KLRD1: variants seen among roughly 807,000 people sequenced by gnomAD.
KLRD1 encodes natural killer cells antigen CD94.
KLRD1 carries 21 observed loss-of-function variants against 22.6 expected under a neutral mutation model. The ratio of observed to expected loss-of-function variants is 0.93; its 90% CI spans 0.66 to 1.34. KLRD1 has a LOEUF of 1.34. Ranked by LOEUF, KLRD1 falls within the 40% of genes most tolerant of loss-of-function variation. The pLI is 0.00. For synonymous variants in KLRD1, 59 were observed against 71.1 expected (o/e 0.83, Z 0.85); for missense variants, 183 against 208.6 (o/e 0.88, Z 0.76).
intron 1 of KLRD1, among the ~76,000 whole-genome samples, chr12:10,258,747 A>G (rs1218385379): frequency 6.6e-6 from 1 of 152,218 alleles, no homozygotes; most frequent in Non-Finnish European, 1.5e-5. Flanking sequence ...TTCACTTGTC[A>G]CTGAAAGAAA....
chr12:10,246,475 A>C (rs1432711830), intron 1 of KLRD1, among the ~76,000 whole-genome samples: 2 of 152,206 alleles, frequency 1.3e-5, no homozygotes, highest in African/African-American at 4.8e-5. Flanking sequence ...TCTTGCTTCA[A>C]CACAGTGACT....
In KLRD1 at chr12:10,322,990, T is replaced by C. The variant is rs1450706168; in HGVS notation, c.*8197T>C. On this transcript the variant is annotated 3_prime_UTR_variant, in exon 6 of 6. Coordinates refer to ENST00000336164, the MANE Select transcript of KLRD1 (RefSeq NM_002262.5). ...TCTGTGAGATACATCCATATATTCGTGCAGCAGTAGCTCCTCACTTTTATT... is the reference window on the plus strand; with the variant it reads ...TCTGTGAGATACATCCATATATTCGCGCAGCAGTAGCTCCTCACTTTTATT... The C allele has an allele frequency of 6.6e-6, 1 of 152,248 alleles. No individual in the cohort carries two copies. Among genetic ancestry groups the C allele is most frequent in the Non-Finnish European group, 1.5e-5 (1 of 68,038 alleles). 9.4% of individuals were successfully genotyped at this position (152,248 alleles called of 1,614,324 possible). A position where few individuals can be genotyped will look rare whatever the true frequency, so the allele number is the denominator to read the frequency against.
chr12:10,248,589 T>TC (rs1949316167), intron 1 of KLRD1, among the ~76,000 whole-genome samples: 3 of 87,120 alleles, frequency 3.4e-5, no homozygotes, highest in Non-Finnish European at 8.0e-5. Context: ...TTCCTTCCCT[T>TC]CTTTTCTTCT....
chr12:10,291,407 A>G (rs1949768995), intron 1 of KLRD1, among the ~76,000 whole-genome samples: 2 of 152,210 alleles, frequency 1.3e-5, no homozygotes, highest in Non-Finnish European at 2.9e-5. Context: ...AACTTTCAAA[A>G]TTGGAATCAA....
At position 10,329,083 on chromosome 12, in the gene KLRD1, A is replaced by G. The variant is rs988339701; in HGVS notation, c.*14290A>G. 1.3e-5 allele frequency: 2 copies of G among 152,188 alleles called. No homozygotes were observed. The highest frequency in any genetic ancestry group is 3.8e-4 in the East Asian group (2 of 5,202). The allele number at this position is 152,188 out of a possible 1,614,324, so 9.4% of individuals were successfully genotyped here. ...TGAGATTTGGGTGGGGACACAGCCA[A>G]ACCATATCAAGGTATAAAGTGCATT... On this transcript the variant is annotated 3_prime_UTR_variant, in exon 6 of 6. Coordinates refer to ENST00000336164, the MANE Select transcript of KLRD1 (RefSeq NM_002262.5).
intron 1 of KLRD1, among the ~76,000 whole-genome samples, chr12:10,241,729 G>A (rs939407238): frequency 6.6e-6 from 1 of 152,042 alleles, no homozygotes; most frequent in Non-Finnish European, 1.5e-5. Context: ...GGCTGATATT[G>A]GATAGTATGT....
At chr12:10,296,232 G>A (rs1949819897) in intron 1 of KLRD1, among the ~76,000 whole-genome samples, 1 of 152,068 alleles carries the variant, frequency 6.6e-6, no homozygotes, top group Non-Finnish European at 1.5e-5. Flanking sequence ...AACATACAAA[G>A]GAGGCCGGGC....
At chr12:10,251,134 T>A (rs1024788075) in intron 1 of KLRD1, among the ~76,000 whole-genome samples, 1 of 152,136 alleles carries the variant, frequency 6.6e-6, no homozygotes, top group Admixed American at 6.5e-5. Flanking sequence ...ATTATACTAT[T>A]TTCTTTTTGA....
rs553414669 is a variant in KLRD1, at chr12:10,309,609, C to G, written c.101-17C>G. 6.3e-7 allele frequency: 1 copy of G among 1,592,482 alleles called. No homozygotes were observed. Among genetic ancestry groups the G allele is most frequent in the Admixed American group, 1.7e-5 (1 of 59,792 alleles). On this transcript the variant is annotated splice_polypyrimidine_tract_variant and intron_variant, in intron 2 of 5. Transcript: ENST00000336164. ...AACCCATACCTAATTAAACAAATTT[C>G]TAATCATTTCTTATAGCTTTTACTA...
chr12:10,308,817 G>A (rs2137691288), intron 1 of KLRD1: 1 of 153,480 alleles, frequency 6.5e-6, no homozygotes, highest in Non-Finnish European at 1.5e-5. Flanking sequence ...CTGAGATGAG[G>A]AGAGGGCATA....
chr12:10,261,617 T>TA (rs1431457612), intron 1 of KLRD1, among the ~76,000 whole-genome samples: 2 of 152,166 alleles, frequency 1.3e-5, no homozygotes, highest in African/African-American at 4.8e-5. Flanking sequence ...GCAATATTCT[T>TA]ACAATTTGAT....
rs1434514683 is a variant in KLRD1 at position 10,323,030 on chromosome 12, A to G, written c.*8237A>G. Reference sequence around the variant, plus strand: ...TCACTTTTATTGTCATGTAGAATTCATAAGAATGTATCACAATTTGCTTAT... The same window carrying G: ...TCACTTTTATTGTCATGTAGAATTCGTAAGAATGTATCACAATTTGCTTAT... On this transcript the variant is annotated 3_prime_UTR_variant, in exon 6 of 6. Transcript: ENST00000336164. The G allele has an allele frequency of 6.6e-6, 1 of 152,256 alleles. No individual in the cohort carries two copies. The highest frequency in any genetic ancestry group is 6.5e-5 in the Admixed American group (1 of 15,280). 9.4% of individuals were successfully genotyped at this position (152,256 alleles called of 1,614,324 possible).
Position 10,311,583 on chromosome 12 carries a change from A to G in KLRD1, c.283A>G (p.Ser95Gly). Residue 95 changes from serine (S) to glycine (G), a missense_variant, in exon 4 of 6, where the codon AGC (serine) becomes GGC (glycine). Ser to Gly is a moderately conservative substitution (Grantham distance 56, BLOSUM62 0). Coordinates refer to ENST00000336164, the MANE Select transcript of KLRD1 (RefSeq NM_002262.5). ...SRHLCASQKS[S>G]LLQLQNTDEL... ...GCATCTCTGTGCTTCTCAGAAATCC[A>G]GCCTGCTTCAGCTTCAAAACACAGA... is the stretch of plus-strand genomic sequence containing the variant. 6.2e-7 allele frequency: 1 copy of G among 1,614,120 alleles called. No individual in the cohort carries two copies. Among genetic ancestry groups the G allele is most frequent in the Non-Finnish European group, 8.5e-7 (1 of 1,179,956 alleles).
In KLRD1 at chr12:10,313,446, G is replaced by A; in HGVS notation, c.352G>A (p.Gly118Arg). The A allele has an allele frequency of 6.2e-7, 1 of 1,607,616 alleles. No homozygotes were observed. The change falls in exon 5 of 6, where the codon GGA becomes AGA. Residue 118 changes from glycine to arginine, a missense_variant. Gly to Arg is a moderately radical substitution (Grantham distance 125). Coordinates refer to ENST00000336164, the MANE Select transcript of KLRD1 (RefSeq NM_002262.5). ...CTCCAGTCAACAATTTTACTGGATTGGACTCTCTTACAGTGAGGAGCACAC... is the reference window on the plus strand; with the variant it reads ...CTCCAGTCAACAATTTTACTGGATTAGACTCTCTTACAGTGAGGAGCACAC... ...MSSSQQFYWI[G>R]LSYSEEHTAW...
intron 1 of KLRD1, among the ~76,000 whole-genome samples, chr12:10,239,083 C>T (rs962356225): frequency 6.6e-6 from 1 of 152,168 alleles, no homozygotes; most frequent in African/African-American, 2.4e-5. Context: ...TTTCCTTTAT[C>T]TTTTGTTGTA....
intron 1 of KLRD1, among the ~76,000 whole-genome samples, chr12:10,260,402 G>A (rs1949440789): frequency 6.6e-6 from 1 of 151,800 alleles, no homozygotes; most frequent in Non-Finnish European, 1.5e-5. Context: ...CACCCTGCTG[G>A]AGTTCATAAG....
chr12:10,305,778 C>G (rs541355808), upstream of KLRD1, among the ~76,000 whole-genome samples: 12 of 152,144 alleles, frequency 7.9e-5, no homozygotes, highest in African/African-American at 2.9e-4. Flanking sequence ...GGGACATAGG[C>G]GAGGCAATGA....
upstream of KLRD1, among the ~76,000 whole-genome samples, chr12:10,306,772 A>G (rs1189253063): frequency 6.6e-6 from 1 of 152,230 alleles, no homozygotes; most frequent in Non-Finnish European, 1.5e-5. Context: ...TGTTGGTGCA[A>G]TGAAAGCAGC....
At position 10,328,290 on chromosome 12, in the gene KLRD1, A is replaced by G. The variant is rs1348873897; in HGVS notation, c.*13497A>G. Reference sequence around the variant, plus strand: ...ACCAGAAGAGCCATCTTGTCCTGGGAATTTTTTTGTTGTAAGTTTCTTGAT... The same window carrying G: ...ACCAGAAGAGCCATCTTGTCCTGGGGATTTTTTTGTTGTAAGTTTCTTGAT... On this transcript the variant is annotated 3_prime_UTR_variant, in exon 6 of 6. Coordinates refer to ENST00000336164, the MANE Select transcript of KLRD1 (RefSeq NM_002262.5). The G allele has an allele frequency of 6.6e-6, 1 of 152,080 alleles. No individual in the cohort carries two copies. The highest frequency in any genetic ancestry group is 2.4e-5 in the African/African-American group (1 of 41,422). 9.4% of individuals were successfully genotyped at this position (152,080 alleles called of 1,614,324 possible).
Sources: gnomAD v4.1 joint callset for allele counts (sites outside exome capture counted in the v4.1 genomes callset) on GRCh38, gnomAD v4.1.1 for gene constraint, MANE v1.5 for transcripts, NCBI Gene and HGNC (gene_info 2026-07-23, HGNC 2026-07-21) for gene names.